Variants in ATXN7L1 observed in about 807,000 individuals in gnomAD.
ATXN7L1 encodes the protein ataxin 7 like 1.
ATXN7L1 carries 15 observed loss-of-function variants against 70.8 expected under a neutral mutation model. That is an observed-to-expected ratio of 0.21 (90% CI 0.14 to 0.33). ATXN7L1 has a LOEUF of 0.33. ATXN7L1 is among the 10% of genes least tolerant of loss of function. The pLI is 1.00. For synonymous variants in ATXN7L1, 440 were observed against 445.1 expected (o/e 0.99, Z 0.14); for missense variants, 975 against 1,097.1 (o/e 0.89, Z 1.57).
intron 3 of ATXN7L1, among the ~76,000 whole-genome samples, chr7:105,784,315 T>C (rs1321034533): frequency 6.6e-6 from 1 of 152,104 alleles, no homozygotes; most frequent in Non-Finnish European, 1.5e-5. Context: ...GGACACTGAA[T>C]TGGTACCTGC....
At chr7:105,648,801 CCCTGAAT>C in intron 4 of ATXN7L1, among the ~76,000 whole-genome samples, 1 of 150,766 alleles carries the variant, frequency 6.6e-6, no homozygotes, top group East Asian at 1.9e-4. Context: ...TGGCTGTGGA[CCCTGAAT>C]GACAGGTTGG....
intron 3 of ATXN7L1, among the ~76,000 whole-genome samples, chr7:105,688,910 C>T (rs963129110): frequency 1.3e-5 from 2 of 152,120 alleles, no homozygotes; most frequent in Non-Finnish European, 2.9e-5. Context: ...CACCTCTTAC[C>T]CAAAAAGTAA....
intron 3 of ATXN7L1, among the ~76,000 whole-genome samples, chr7:105,756,911 G>A (rs892110741): frequency 2.6e-5 from 4 of 152,142 alleles, no homozygotes; most frequent in African/African-American, 9.7e-5. Flanking sequence ...TATACTAGTA[G>A]ATGGGAGTTT....
intron 2 of ATXN7L1, among the ~76,000 whole-genome samples, chr7:105,847,773 G>A (rs1814286693): frequency 6.6e-6 from 1 of 152,218 alleles, no homozygotes; most frequent in African/African-American, 2.4e-5. Context: ...TATATGAAAA[G>A]TGCCTGGCAT....
intron 3 of ATXN7L1, among the ~76,000 whole-genome samples, chr7:105,782,481 G>T (rs550766120): frequency 3.3e-5 from 5 of 152,190 alleles, no homozygotes; most frequent in African/African-American, 1.2e-4. Context: ...GACACAGAAC[G>T]TGGCTCCAAG....
chr7:105,805,512 T>C (rs1807441333), intron 2 of ATXN7L1, among the ~76,000 whole-genome samples: 1 of 152,218 alleles, frequency 6.6e-6, no homozygotes, highest in Non-Finnish European at 1.5e-5. Context: ...ATTGATTATA[T>C]GCCAGACACT....
At chr7:105,748,393 T>G (rs1374474533) in intron 3 of ATXN7L1, among the ~76,000 whole-genome samples, 1 of 152,008 alleles carries the variant, frequency 6.6e-6, no homozygotes, top group Non-Finnish European at 1.5e-5. Flanking sequence ...AGGTCCCGAG[T>G]TGCTCTACTG....
intron 3 of ATXN7L1, chr7:105,691,654 T>A (rs1790856318): frequency 2.2e-5 from 2 of 91,460 alleles, no homozygotes; most frequent in African/African-American, 4.9e-5. Context: ...AGCACGGATG[T>A]CAGTAAAAAA....
At chr7:105,663,907 T>A (rs747322753) in intron 4 of ATXN7L1, among the ~76,000 whole-genome samples, 1 of 152,092 alleles carries the variant, frequency 6.6e-6, no homozygotes, top group East Asian at 1.9e-4. Flanking sequence ...GTAGCTGGGA[T>A]TACAGGTGTG....
At chr7:105,729,309 A>G (rs200584424) in intron 3 of ATXN7L1, among the ~76,000 whole-genome samples, 8,531 of 66,636 alleles carry the variant, frequency 0.13, 261 homozygotes, top group East Asian at 0.19. Flanking sequence ...ATGAATAAAT[A>G]AATAAATAAA....
intron 2 of ATXN7L1, among the ~76,000 whole-genome samples, chr7:105,790,603 A>C (rs1461098542): frequency 7.5e-6 from 1 of 134,226 alleles, no homozygotes; most frequent in Non-Finnish European, 1.6e-5. Context: ...AAAAAGAAAA[A>C]AATTATCTAT....
At chr7:105,756,054 C>T (rs374216301) in intron 3 of ATXN7L1, among the ~76,000 whole-genome samples, 8 of 152,296 alleles carry the variant, frequency 5.3e-5, no homozygotes, top group Middle Eastern at 3.4e-3. Context: ...TCGTCAGAGG[C>T]TGCATTTCAG....
At chr7:105,649,258 G>T (rs1466900291) in intron 4 of ATXN7L1, 1 of 676,712 alleles carries the variant, frequency 1.5e-6, no homozygotes, top group Non-Finnish European at 1.8e-6. Context: ...AGAGAGCTCA[G>T]GGCTGCAGCC....
intron 2 of ATXN7L1, among the ~76,000 whole-genome samples, chr7:105,789,394 C>T (rs1291363988): frequency 6.6e-6 from 1 of 152,162 alleles, no homozygotes; most frequent in Non-Finnish European, 1.5e-5. Flanking sequence ...GGCAGACCAC[C>T]ACACAAGTCA....
intron 5 of ATXN7L1, among the ~76,000 whole-genome samples, chr7:105,642,249 C>A (rs1449847874): frequency 6.6e-6 from 1 of 152,192 alleles, no homozygotes; most frequent in Non-Finnish European, 1.5e-5. Context: ...AAGAGACCGC[C>A]CCAGCACCCT....
chr7:105,867,643 C>T (rs1361703943), intron 2 of ATXN7L1, among the ~76,000 whole-genome samples: 1 of 152,240 alleles, frequency 6.6e-6, no homozygotes, highest in Non-Finnish European at 1.5e-5. Context: ...GGGATAGTCA[C>T]AGTACAGGTA....
chr7:105,737,782 A>G (rs949809336), intron 3 of ATXN7L1, among the ~76,000 whole-genome samples: 1 of 152,202 alleles, frequency 6.6e-6, no homozygotes, highest in African/African-American at 2.4e-5. Flanking sequence ...AACAGCGTGG[A>G]GCTGCAGGTT....
chr7:105,767,464 T>G (rs1052605441), intron 3 of ATXN7L1, among the ~76,000 whole-genome samples: 3 of 152,238 alleles, frequency 2.0e-5, no homozygotes, highest in Non-Finnish European at 4.4e-5. Flanking sequence ...CACTCAGTCC[T>G]CTGGAGGTGA....
intron 3 of ATXN7L1, among the ~76,000 whole-genome samples, chr7:105,782,476 A>G (rs1186608994): frequency 6.6e-6 from 1 of 152,240 alleles, no homozygotes; most frequent in Non-Finnish European, 1.5e-5. Flanking sequence ...GGGGTGACAC[A>G]GAACGTGGCT....
Sources: allele counts gnomAD v4.1 joint callset (sites outside exome capture counted in the v4.1 genomes callset), GRCh38; gene constraint gnomAD v4.1.1; transcripts MANE v1.5; gene names NCBI Gene and HGNC (gene_info 2026-07-23, HGNC 2026-07-21).